CDH10: variants seen among roughly 807,000 people sequenced by gnomAD.
CDH10 encodes the protein cadherin-10.
Under a neutral mutation model 73.1 loss-of-function variants are expected in CDH10, and 30 were observed. The ratio of observed to expected loss-of-function variants is 0.41; its 90% confidence interval spans 0.31 to 0.56. The LOEUF (loss-of-function observed/expected upper bound fraction) is 0.56, where lower values mean the gene tolerates loss of function less well. Among genes scored for constraint, CDH10 ranks in the 20% least tolerant of loss-of-function variants. The probability of loss-of-function intolerance (pLI) is 0.27; values close to 1 mark genes in which losing one functional copy is unlikely to be tolerated. For missense variants in CDH10, 815 were observed against 973.7 expected (o/e 0.84, Z 2.17); for synonymous variants, 345 against 348.2 (o/e 0.99, Z 0.10).
chr5:24,622,689 T>C (rs1747356883), intron 1 of CDH10, among the ~76,000 whole-genome samples: 1 of 152,114 alleles, frequency 6.6e-6, no homozygotes, highest in African/African-American at 2.4e-5. Flanking sequence ...ATGCGGTATT[T>C]ATTGGTGGTG....
At chr5:24,534,537 T>C (rs1743869203) in intron 5 of CDH10, among the ~76,000 whole-genome samples, 1 of 151,996 alleles carries the variant, frequency 6.6e-6, no homozygotes, top group African/African-American at 2.4e-5. Flanking sequence ...ATTTGAGAGG[T>C]CAGTTCAAAA....
intron 1 of CDH10, among the ~76,000 whole-genome samples, chr5:24,633,126 A>AC (rs11411655): frequency 0.99 from 150,774 of 151,902 alleles, 74,832 homozygotes; most frequent in East Asian, 1. Context: ...AAAGAAAATA[A>AC]GAGGAGTAAG....
chr5:24,560,852 T>C (rs985449430), intron 2 of CDH10, among the ~76,000 whole-genome samples: 1 of 152,116 alleles, frequency 6.6e-6, no homozygotes. Context: ...TACTCTGTGG[T>C]GTTTTACATA....
intron 1 of CDH10, among the ~76,000 whole-genome samples, chr5:24,633,345 C>A (rs115542510): frequency 6.6e-6 from 1 of 151,524 alleles, no homozygotes; most frequent in African/African-American, 2.4e-5. Flanking sequence ...TTGGTGAATA[C>A]GTATGTTACA....
At chr5:24,641,209 T>C (rs1561210998) in intron 1 of CDH10, among the ~76,000 whole-genome samples, 1 of 151,930 alleles carries the variant, frequency 6.6e-6, no homozygotes, top group African/African-American at 2.4e-5. Flanking sequence ...GGGCTCATAC[T>C]AAAATGTCAA....
In CDH10 at chr5:24,491,637, G is replaced by A. The variant is rs763113455; in HGVS notation, c.1815C>T (p.Leu605=). The change falls in exon 11 of 12, where the codon CTC becomes CTT. Residue 605 remains leucine, a synonymous_variant. Coordinates refer to ENST00000264463, the MANE Select transcript of CDH10 (RefSeq NM_006727.5). ...MQSCSAEALL[L]PAGLSTGALI... The stretch of plus-strand genomic sequence containing the variant: ...AGGCCCCAGTGCTGAGGCCGGCAGG[G>A]AGGAGCAGGGCTTCAGCACTGCAGG... The A allele has an allele frequency of 6.2e-7, 1 of 1,613,392 alleles. No homozygotes were observed. The highest frequency in any genetic ancestry group is 2.2e-5 in the East Asian group (1 of 44,826).
At chr5:24,494,840 A>G (rs927643209) in intron 9 of CDH10, among the ~76,000 whole-genome samples, 2 of 152,148 alleles carry the variant, frequency 1.3e-5, no homozygotes, top group African/African-American at 2.4e-5. Context: ...TAGAGATGAC[A>G]CAAACAAAAT....
chr5:24,622,774 T>A (rs1747360093), intron 1 of CDH10, among the ~76,000 whole-genome samples: 1 of 152,192 alleles, frequency 6.6e-6, no homozygotes, highest in Admixed American at 6.6e-5. Flanking sequence ...GAAATAAAAG[T>A]ATAGGTAGTT....
intron 1 of CDH10, among the ~76,000 whole-genome samples, chr5:24,633,499 T>C (rs892267065): frequency 2.0e-4 from 30 of 151,924 alleles, no homozygotes; most frequent in African/African-American, 6.8e-4. Context: ...GTAGGCAGCA[T>C]ATTTACATTT....
At chr5:24,565,498 G>A (rs1745134849) in intron 2 of CDH10, among the ~76,000 whole-genome samples, 1 of 152,018 alleles carries the variant, frequency 6.6e-6, no homozygotes, top group Non-Finnish European at 1.5e-5. Flanking sequence ...AATGAAAGAA[G>A]TGCAAAATCA....
intron 1 of CDH10, among the ~76,000 whole-genome samples, chr5:24,595,966 A>G (rs1467167433): frequency 6.6e-6 from 1 of 151,966 alleles, no homozygotes; most frequent in Non-Finnish European, 1.5e-5. Flanking sequence ...TTATTTAATG[A>G]TAAATGTCCT....
At chr5:24,533,913 C>CA (rs1743842959) in intron 5 of CDH10, among the ~76,000 whole-genome samples, 1 of 152,062 alleles carries the variant, frequency 6.6e-6, no homozygotes, top group South Asian at 2.1e-4. Context: ...AATATCTAAT[C>CA]AAAAACTGTC....
chr5:24,626,597 T>C (rs1481959661), intron 1 of CDH10, among the ~76,000 whole-genome samples: 1 of 151,976 alleles, frequency 6.6e-6, no homozygotes, highest in African/African-American at 2.4e-5. Context: ...TGTAGATTTC[T>C]AATAGTAAAT....
chr5:24,594,802 T>C (rs1746316523), intron 1 of CDH10, among the ~76,000 whole-genome samples: 1 of 152,020 alleles, frequency 6.6e-6, no homozygotes, highest in Admixed American at 6.6e-5. Flanking sequence ...TTTATTTATT[T>C]ATTTATTGTG....
chr5:24,638,548 G>T (rs1289919730), intron 1 of CDH10, among the ~76,000 whole-genome samples: 2 of 151,630 alleles, frequency 1.3e-5, no homozygotes. Flanking sequence ...TGGTTGAGGG[G>T]GTAGATAAAT....
intron 2 of CDH10, among the ~76,000 whole-genome samples, chr5:24,586,843 CTT>C (rs1001227038): frequency 2.1e-4 from 22 of 102,744 alleles, no homozygotes; most frequent in South Asian, 1.2e-3. Context: ...AGCCCATATT[CTT>C]TTTTTTTTTT....
intron 2 of CDH10, among the ~76,000 whole-genome samples, chr5:24,538,626 G>A (rs566004723): frequency 1.3e-5 from 2 of 152,172 alleles, no homozygotes; most frequent in African/African-American, 4.8e-5. Context: ...TAGCCAACAG[G>A]CTTAGGAGTA....
At chr5:24,557,730 C>T (rs146140841) in intron 2 of CDH10, among the ~76,000 whole-genome samples, 120 of 151,916 alleles carry the variant, frequency 7.9e-4, no homozygotes, top group African/African-American at 2.7e-3. Context: ...ATAACTACTT[C>T]GGCTTCTGCA....
At chr5:24,529,657 A>C (rs76573257) in intron 5 of CDH10, among the ~76,000 whole-genome samples, 2,912 of 152,026 alleles carry the variant, frequency 0.019, 96 homozygotes, top group African/African-American at 0.067. Flanking sequence ...TTAATTTGAC[A>C]TTGATTATCT....
Sources: gnomAD v4.1 joint callset for allele counts (sites outside exome capture counted in the v4.1 genomes callset) on GRCh38, gnomAD v4.1.1 for gene constraint, MANE v1.5 for transcripts, NCBI Gene and HGNC (gene_info 2026-07-23, HGNC 2026-07-21) for gene names.